Variants in UTRN observed in about 807,000 individuals in gnomAD.
UTRN encodes dystrophin-related protein 1.
A neutral mutation model predicts 463.9 loss-of-function variants in UTRN; 283 were observed. The observed-to-expected ratio is 0.61, with a 90% confidence interval of 0.55 to 0.67. The LOEUF is 0.67. UTRN is among the 30% of genes least tolerant of loss of function. UTRN has a pLI of 0.00. For synonymous variants in UTRN, 1,442 were observed against 1,431.5 expected (o/e 1.01, Z -0.17); for missense variants, 3,922 against 4,084.3 (o/e 0.96, Z 1.08).
intron 23 of UTRN, among the ~76,000 whole-genome samples, chr6:144,466,651 C>T (rs1789990687): frequency 6.6e-6 from 1 of 152,178 alleles, no homozygotes; most frequent in Admixed American, 6.5e-5. Flanking sequence ...ACTGGATTTT[C>T]ATGTGAATCA....
chr6:144,451,316 A>G (rs535053475), intron 17 of UTRN, 54 bp from the exon 18 acceptor site: 12 of 1,574,880 alleles, frequency 7.6e-6, no homozygotes, highest in African/African-American at 6.9e-5. Flanking sequence ...TCTGGAGTCA[A>G]GTAAAACAGT....
At chr6:144,800,216 A>T (rs1777588836) in intron 64 of UTRN, among the ~76,000 whole-genome samples, 1 of 152,210 alleles carries the variant, frequency 6.6e-6, no homozygotes, top group Non-Finnish European at 1.5e-5. Flanking sequence ...TGACCTTTAA[A>T]GTTTCATTTC....
intron 51 of UTRN, among the ~76,000 whole-genome samples, chr6:144,597,257 C>G (rs1803757960): frequency 7.2e-6 from 1 of 138,700 alleles, no homozygotes; most frequent in African/African-American, 2.6e-5. Context: ...AAAAAAGTGC[C>G]TTAACTTACC....
At chr6:144,463,796 CTCTG>C (rs1431001127) in intron 23 of UTRN, among the ~76,000 whole-genome samples, 2 of 151,400 alleles carry the variant, frequency 1.3e-5, no homozygotes, top group African/African-American at 4.9e-5. Flanking sequence ...TTGGATATAT[CTCTG>C]TATATCTATC....
At chr6:144,488,880 T>G (rs1429961571) in intron 30 of UTRN, 46 bp downstream of exon 30, 2 of 1,495,862 alleles carry the variant, frequency 1.3e-6, no homozygotes, top group Non-Finnish European at 1.8e-6. Context: ...AGAGAGCTTT[T>G]GTAATTGCCT....
At chr6:144,495,294 G>A (rs1345932474) in intron 33 of UTRN, among the ~76,000 whole-genome samples, 2 of 152,226 alleles carry the variant, frequency 1.3e-5, no homozygotes, top group African/African-American at 2.4e-5. Context: ...GCCCTGCCCC[G>A]CAGGAAGGCA....
At chr6:144,843,298 T>G (rs1023201321) in intron 73 of UTRN, among the ~76,000 whole-genome samples, 6 of 152,100 alleles carry the variant, frequency 3.9e-5, no homozygotes, top group African/African-American at 1.4e-4. Context: ...ATATAAAATA[T>G]ATAATTTCCA....
At chr6:144,371,297 G>A (rs936219557) in intron 2 of UTRN, among the ~76,000 whole-genome samples, 6 of 152,040 alleles carry the variant, frequency 3.9e-5, no homozygotes, top group Non-Finnish European at 8.8e-5. Flanking sequence ...TTCCATGCCA[G>A]TATTAGTAGA....
intron 54 of UTRN, among the ~76,000 whole-genome samples, chr6:144,741,368 T>G (rs191192507): frequency 6.6e-6 from 1 of 152,310 alleles, no homozygotes; most frequent in Non-Finnish European, 1.5e-5. Context: ...ACTCCTGTCC[T>G]TTGATTCTTG....
chr6:144,756,210 A>G (rs550629462), intron 57 of UTRN, among the ~76,000 whole-genome samples: 5 of 152,190 alleles, frequency 3.3e-5, no homozygotes, highest in Non-Finnish European at 7.3e-5. Context: ...ATGTAAAGCT[A>G]TGTACCAAGA....
chr6:144,503,633 T>C (rs983504227), intron 34 of UTRN, among the ~76,000 whole-genome samples: 1 of 152,222 alleles, frequency 6.6e-6, no homozygotes, highest in Non-Finnish European at 1.5e-5. Flanking sequence ...ACCAGTACCA[T>C]GCTGTTTTGG....
At chr6:144,317,874 T>A (rs13209980) in intron 2 of UTRN, among the ~76,000 whole-genome samples, 3,160 of 152,338 alleles carry the variant, frequency 0.021, 52 homozygotes, top group Non-Finnish European at 0.028. Context: ...AAATTTCTGC[T>A]CTCACAGTCA....
chr6:144,521,920 T>TG (rs1227830838), intron 39 of UTRN, 60 bp from the exon 40 acceptor site: 1 of 1,049,260 alleles, frequency 9.5e-7, no homozygotes, highest in Non-Finnish European at 1.2e-6. Flanking sequence ...TTATTCATTG[T>TG]GGGGGTATTT....
At chr6:144,723,792 A>T (rs1787486075) in intron 53 of UTRN, among the ~76,000 whole-genome samples, 1 of 152,070 alleles carries the variant, frequency 6.6e-6, no homozygotes, top group Admixed American at 6.6e-5. Context: ...GCCCAAGCTC[A>T]GGAGTTCAAA....
Position 144,757,532 on chromosome 6 carries a change from G to A in UTRN, c.8435-397G>A, listed in dbSNP as rs531018739. Among the ~76,000 whole-genome samples the A allele has an allele frequency of 1.6e-3, 243 of 152,022 alleles. 1 individual carries two copies. The highest frequency in any genetic ancestry group is 5.2e-3 in the African/African-American group (215 of 41,490). On this transcript the variant is annotated intron_variant, in intron 57 of 74. Coordinates refer to ENST00000367545, the MANE Select transcript of UTRN (RefSeq NM_007124.3). ...ATGTTATTAGTCATCTGGAAAATTC[G>A]GTCTTGAAAAATCTAATTTTTAATC...
rs1432428217 is a variant in UTRN, at chr6:144,675,328, A to G, written c.7480-3078A>G. Reference sequence around the variant, plus strand: ...TGATCTGTCCTCAGGTCTCCCAGCCATGGATAGTAGCACCTGCTCCAGTGG... The same window carrying G: ...TGATCTGTCCTCAGGTCTCCCAGCCGTGGATAGTAGCACCTGCTCCAGTGG... On this transcript the variant is annotated intron_variant, in intron 51 of 74. Coordinates refer to ENST00000367545, the MANE Select transcript of UTRN (RefSeq NM_007124.3). Among the ~76,000 whole-genome samples the G allele has an allele frequency of 2.0e-5, 3 of 152,284 alleles. No homozygotes were observed. The East Asian group carries it at 5.8e-4, about 29-fold the overall frequency.
rs748021964 is a variant in UTRN, at chr6:144,522,163, T to C, written c.5725T>C (p.Ser1909Pro). The stretch of plus-strand genomic sequence containing the variant: ...CGAAGACTTCTCTTTTCAGGAAGAC[T>C]CTCTGAAGGTAGACCTCTGGGCACT... ...IYEDFSFQED[S>P]LKNIKDQLDK... The change falls in exon 40 of 75, where the codon TCT becomes CCT. Residue 1909 changes from serine to proline, a missense_variant. Ser to Pro is a moderately conservative substitution (Grantham distance 74). This residue lies in a region of UTRN where 2,349 missense variants were observed against 2,303.8 expected (regional missense o/e 1.02). Coordinates refer to ENST00000367545, the MANE Select transcript of UTRN (RefSeq NM_007124.3). 31 of 1,539,842 alleles carry C rather than the reference T, an allele frequency of 2.0e-5. No homozygotes were observed. Among genetic ancestry groups the C allele is most frequent in the Admixed American group, 1.2e-4 (6 of 51,366 alleles).
At chr6:144,470,026 T>C (rs1009742730) in intron 23 of UTRN, among the ~76,000 whole-genome samples, 5 of 152,172 alleles carry the variant, frequency 3.3e-5, no homozygotes, top group Non-Finnish European at 7.3e-5. Flanking sequence ...GGGGCAAGGT[T>C]ATAGACCAAC....
At chr6:144,793,742 T>A (rs1586598505) in intron 62 of UTRN, 92 bp from the exon 63 acceptor site, 1 of 1,460,224 alleles carries the variant, frequency 6.8e-7, no homozygotes, top group East Asian at 2.4e-5. Context: ...ATTTTTTTAA[T>A]CTGCATGGTT....
Sources: gnomAD v4.1 joint callset for allele counts (sites outside exome capture counted in the v4.1 genomes callset) on GRCh38, gnomAD v4.1.1 for gene constraint, gnomAD v4.1.1 regional missense constraint, MANE v1.5 for transcripts, NCBI Gene and HGNC (gene_info 2026-07-23, HGNC 2026-07-21) for gene names.